The following PARD3 variants were observed in gnomAD, a reference collection of about 807,000 sequenced individuals.
The protein encoded by PARD3 is partitioning defective 3 homolog.
Under a neutral mutation model 155.4 loss-of-function variants are expected in PARD3, and 75 were observed. The ratio of observed to expected loss-of-function variants is 0.48; its 90% CI spans 0.40 to 0.58. The LOEUF (loss-of-function observed/expected upper bound fraction) is 0.58, where lower values mean the gene tolerates loss of function less well. PARD3 is among the 20% of genes least tolerant of loss of function. The pLI is 0.00. For missense variants in PARD3, 1,642 were observed against 1,721.7 expected (o/e 0.95, Z 0.82); for synonymous variants, 576 against 610.5 (o/e 0.94, Z 0.83).
chr10:34,580,050 A>C (rs1211773934), intron 2 of PARD3, among the ~76,000 whole-genome samples: 2 of 151,790 alleles, frequency 1.3e-5, no homozygotes, highest in Non-Finnish European at 2.9e-5. Flanking sequence ...TGTAACTGGG[A>C]TTACAGGTAT....
chr10:34,561,387 A>C (rs539300465), intron 2 of PARD3, among the ~76,000 whole-genome samples: 2 of 152,344 alleles, frequency 1.3e-5, no homozygotes, highest in East Asian at 3.9e-4. Flanking sequence ...TTCATTTGTC[A>C]GTTCCAGTTT....
intron 15 of PARD3, chr10:34,345,138 G>C (rs974412874): frequency 1.0e-6 from 1 of 985,116 alleles, no homozygotes; most frequent in Admixed American, 6.2e-5. Flanking sequence ...TTAGAAAAAG[G>C]AAATAGCCAA....
chr10:34,503,240 A>G (rs1156731809), intron 3 of PARD3, among the ~76,000 whole-genome samples: 1 of 152,200 alleles, frequency 6.6e-6, no homozygotes, highest in Non-Finnish European at 1.5e-5. Flanking sequence ...ATACTTCTCA[A>G]GCTGTTTTAA....
chr10:34,426,043 T>C (rs993619853), intron 5 of PARD3, among the ~76,000 whole-genome samples: 1 of 151,964 alleles, frequency 6.6e-6, no homozygotes, highest in African/African-American at 2.4e-5. Context: ...AAGCCTAGAG[T>C]CAATACTAAA....
chr10:34,568,666 C>T (rs1397127623), intron 2 of PARD3, among the ~76,000 whole-genome samples: 2 of 152,272 alleles, frequency 1.3e-5, no homozygotes, highest in East Asian at 3.9e-4. Context: ...CCCCTGTTCT[C>T]AGACGCAGCG....
chr10:34,612,468 T>C (rs1166297979), intron 2 of PARD3, among the ~76,000 whole-genome samples: 1 of 152,270 alleles, frequency 6.6e-6, no homozygotes, highest in African/African-American at 2.4e-5. Flanking sequence ...AAGTAGCTCT[T>C]TACCTACTTT....
At chr10:34,791,997 A>C (rs564420822) in intron 1 of PARD3, among the ~76,000 whole-genome samples, 1 of 152,020 alleles carries the variant, frequency 6.6e-6, no homozygotes, top group South Asian at 2.1e-4. Context: ...ACTCCACTCC[A>C]ATCTCTCCTG....
At chr10:34,353,170 G>A (rs934137837) in intron 14 of PARD3, among the ~76,000 whole-genome samples, 44 of 152,334 alleles carry the variant, frequency 2.9e-4, no homozygotes, top group African/African-American at 1.0e-3. Context: ...CGTCCGGGAG[G>A]GAGGTGGGGG....
At chr10:34,645,805 G>A (rs975297189) in intron 2 of PARD3, among the ~76,000 whole-genome samples, 1 of 152,194 alleles carries the variant, frequency 6.6e-6, no homozygotes, top group African/African-American at 2.4e-5. Flanking sequence ...ATCAGCTGAT[G>A]AGCAGATTTT....
chr10:34,681,748 ATATATATATATATATATATATTTTTTTTT>A (rs1281815491), intron 2 of PARD3, among the ~76,000 whole-genome samples: 1 of 15,884 alleles, frequency 6.3e-5, no homozygotes, highest in Non-Finnish European at 1.1e-4. Context: ...ATATATATAT[ATATATATATATATATATATATTTTTTTTT>A]TTTTTTTTTT....
intron 22 of PARD3, among the ~76,000 whole-genome samples, chr10:34,187,671 C>A (rs1183774850): frequency 6.6e-6 from 1 of 152,218 alleles, no homozygotes; most frequent in African/African-American, 2.4e-5. Context: ...TGATTCAGAT[C>A]TCCTCACGTT....
chr10:34,336,003 TA>T (rs1167940467), intron 18 of PARD3, among the ~76,000 whole-genome samples, 195 bp downstream of exon 18: 1 of 152,118 alleles, frequency 6.6e-6, no homozygotes, highest in African/African-American at 2.4e-5. Context: ...TATTACTATT[TA>T]GTAAGTACAC....
At chr10:34,684,820 C>CACACACACAT (rs1554810171) in intron 2 of PARD3, among the ~76,000 whole-genome samples, 13 of 125,628 alleles carry the variant, frequency 1.0e-4, no homozygotes, top group Non-Finnish European at 1.3e-4. Flanking sequence ...CACACACACA[C>CACACACACAT]ACACACACAC....
At chr10:34,459,152 GCAA>G (rs1161979555) in intron 4 of PARD3, among the ~76,000 whole-genome samples, 1 of 151,918 alleles carries the variant, frequency 6.6e-6, no homozygotes. Flanking sequence ...CAAGAAATAC[GCAA>G]CAACATTTCA....
At chr10:34,227,169 A>G (rs1321805818) in intron 22 of PARD3, among the ~76,000 whole-genome samples, 1 of 152,244 alleles carries the variant, frequency 6.6e-6, no homozygotes, top group African/African-American at 2.4e-5. Flanking sequence ...TCAACATGCA[A>G]AAACAAACAG....
chr10:34,261,084 C>T (rs564090183), intron 22 of PARD3, among the ~76,000 whole-genome samples: 1 of 152,196 alleles, frequency 6.6e-6, no homozygotes, highest in South Asian at 2.1e-4. Flanking sequence ...TATTTTCTTG[C>T]TATTTAGATT....
At chr10:34,130,913 T>G (rs1439161602) in intron 23 of PARD3, among the ~76,000 whole-genome samples, 1 of 152,100 alleles carries the variant, frequency 6.6e-6, no homozygotes, top group Non-Finnish European at 1.5e-5. Flanking sequence ...ACTAAAAAAT[T>G]AGCCAGGTGT....
chr10:34,532,478 T>C (rs552008456), intron 2 of PARD3, among the ~76,000 whole-genome samples: 7 of 152,300 alleles, frequency 4.6e-5, no homozygotes, highest in African/African-American at 1.4e-4. Flanking sequence ...TTTATTCTTT[T>C]GTTCACACCA....
At chr10:34,806,434 C>T (rs7095242) in intron 1 of PARD3, among the ~76,000 whole-genome samples, 4,780 of 152,142 alleles carry the variant, frequency 0.031, 248 homozygotes, top group African/African-American at 0.11. Flanking sequence ...CGTGATCCAC[C>T]CACCTCGGCC....
Sources: gnomAD v4.1 joint callset for allele counts (sites outside exome capture counted in the v4.1 genomes callset) on GRCh38, gnomAD v4.1.1 for gene constraint, MANE v1.5 for transcripts, NCBI Gene and HGNC (gene_info 2026-07-23, HGNC 2026-07-21) for gene names.